Variants in FMNL2 observed in about 807,000 individuals in gnomAD.
The protein encoded by FMNL2 is formin like 2.
FMNL2 carries 51 observed loss-of-function variants against 130.2 expected under a neutral mutation model. That is an observed-to-expected ratio of 0.39 (90% CI 0.31 to 0.49). The LOEUF is 0.49. FMNL2 is among the 20% of genes least tolerant of loss of function. FMNL2 has a pLI of 0.85. For missense variants in FMNL2, 977 were observed against 1,316.2 expected, an observed-to-expected ratio of 0.74 and a Z score of 3.99; for synonymous variants, 465 against 467.1, an observed-to-expected ratio of 1.00 and a Z score of 0.06.
intron 2 of FMNL2, among the ~76,000 whole-genome samples, chr2:152,536,372 A>G (rs947260154): frequency 6.6e-6 from 1 of 152,228 alleles, no homozygotes; most frequent in Non-Finnish European, 1.5e-5. Context: ...TAAATCTTAC[A>G]AATTAGTACT....
At chr2:152,430,332 CT>C (rs1558857292) in intron 1 of FMNL2, among the ~76,000 whole-genome samples, 1 of 152,168 alleles carries the variant, frequency 6.6e-6, no homozygotes, top group African/African-American at 2.4e-5. Flanking sequence ...CCAACGTGCC[CT>C]TGTGTGCACA....
chr2:152,624,085 CTTCG>C (rs1681591275), intron 15 of FMNL2, among the ~76,000 whole-genome samples: 3 of 18,588 alleles, frequency 1.6e-4, no homozygotes, highest in African/African-American at 2.7e-4. Context: ...ACTCAATTCC[CTTCG>C]CCTCCCCTCC....
At chr2:152,400,909 C>T (rs66663920) in intron 1 of FMNL2, among the ~76,000 whole-genome samples, 17,492 of 152,226 alleles carry the variant, frequency 0.11, 1,128 homozygotes, top group Middle Eastern at 0.28. Context: ...TTTCTTCCCA[C>T]GTGTATCCTG....
At chr2:152,456,224 T>C (rs1688947752) in intron 1 of FMNL2, among the ~76,000 whole-genome samples, 1 of 152,216 alleles carries the variant, frequency 6.6e-6, no homozygotes, top group Admixed American at 6.5e-5. Flanking sequence ...AACTATCCTC[T>C]CACTAGAAAG....
At chr2:152,363,470 C>T (rs1683299058) in intron 1 of FMNL2, among the ~76,000 whole-genome samples, 1 of 152,136 alleles carries the variant, frequency 6.6e-6, no homozygotes, top group Admixed American at 6.5e-5. Context: ...TTTATGATCT[C>T]TCTTTCTCGT....
intron 1 of FMNL2, among the ~76,000 whole-genome samples, chr2:152,454,664 G>A (rs142850813): frequency 6.6e-6 from 1 of 152,338 alleles, no homozygotes; most frequent in Non-Finnish European, 1.5e-5. Context: ...TGCTGTGAAG[G>A]AATGTGGGCA....
At chr2:152,471,927 G>T (rs909075393) in intron 1 of FMNL2, among the ~76,000 whole-genome samples, 1 of 152,114 alleles carries the variant, frequency 6.6e-6, no homozygotes, top group Non-Finnish European at 1.5e-5. Context: ...AGTTTCAGTA[G>T]TGCGACTCCG....
At chr2:152,501,717 T>A (rs901607968) in intron 1 of FMNL2, among the ~76,000 whole-genome samples, 7 of 152,042 alleles carry the variant, frequency 4.6e-5, no homozygotes, top group Non-Finnish European at 7.4e-5. Context: ...TTTTTTTTTT[T>A]AATTTTGAGT....
intron 1 of FMNL2, among the ~76,000 whole-genome samples, chr2:152,436,397 C>G (rs80052818): frequency 6.6e-6 from 1 of 152,246 alleles, no homozygotes; most frequent in East Asian, 1.9e-4. Context: ...CTGACCTCAG[C>G]CTCCCAAGGT....
chr2:152,380,471 G>T (rs1362951151), intron 1 of FMNL2, among the ~76,000 whole-genome samples: 1 of 152,216 alleles, frequency 6.6e-6, no homozygotes, highest in South Asian at 2.1e-4. Flanking sequence ...TGCCATGCTT[G>T]TGTCCTTAAA....
chr2:152,407,628 A>G (rs1235078436), intron 1 of FMNL2, among the ~76,000 whole-genome samples: 1 of 152,042 alleles, frequency 6.6e-6, no homozygotes, highest in Non-Finnish European at 1.5e-5. Context: ...TTGAATTTTT[A>G]TCTGCCCCAT....
At chr2:152,470,280 A>T (rs1386686412) in intron 1 of FMNL2, among the ~76,000 whole-genome samples, 2 of 152,152 alleles carry the variant, frequency 1.3e-5, no homozygotes, top group Non-Finnish European at 2.9e-5. Context: ...TTGTGAGCTG[A>T]GCAAGTCCCG....
At chr2:152,461,059 TTGGG>T (rs1433566901) in intron 1 of FMNL2, among the ~76,000 whole-genome samples, 30 of 152,022 alleles carry the variant, frequency 2.0e-4, no homozygotes, top group Non-Finnish European at 3.8e-4. Flanking sequence ...ACCAGAAAGG[TTGGG>T]GGCTGCTGCT....
intron 1 of FMNL2, among the ~76,000 whole-genome samples, chr2:152,451,244 G>C (rs974223920): frequency 1.4e-4 from 21 of 152,076 alleles, no homozygotes; most frequent in Admixed American, 3.9e-4. Flanking sequence ...CTCCTCCCAG[G>C]TTCAAGCGAT....
intron 9 of FMNL2, among the ~76,000 whole-genome samples, chr2:152,599,676 G>C (rs1390893731): frequency 6.6e-6 from 1 of 152,090 alleles, no homozygotes; most frequent in Non-Finnish European, 1.5e-5. Context: ...AGCATTATGC[G>C]AATGAAACCT....
At chr2:152,422,807 C>T (rs185766288) in intron 1 of FMNL2, among the ~76,000 whole-genome samples, 12 of 152,304 alleles carry the variant, frequency 7.9e-5, no homozygotes, top group Non-Finnish European at 1.3e-4. Context: ...GGATTACAGG[C>T]GTGAGCCACC....
At chr2:152,582,043 A>G (rs369784249) in intron 9 of FMNL2, among the ~76,000 whole-genome samples, 28 of 152,204 alleles carry the variant, frequency 1.8e-4, no homozygotes, top group African/African-American at 6.3e-4. Flanking sequence ...ATTTGGTTCT[A>G]TAAGAACATC....
intron 22 of FMNL2, 123 bp from the exon 23 acceptor site, chr2:152,637,450 G>A (rs1229766229): frequency 2.8e-6 from 2 of 717,760 alleles, no homozygotes; most frequent in African/African-American, 3.5e-5. Flanking sequence ...TAAGGGAGGT[G>A]CAGCAACGCA....
At chr2:152,469,597 G>T (rs1024610759) in intron 1 of FMNL2, among the ~76,000 whole-genome samples, 9 of 152,202 alleles carry the variant, frequency 5.9e-5, no homozygotes, top group African/African-American at 2.2e-4. Context: ...TCCAGTGGTT[G>T]TCAAATTGGG....
Sources: allele counts gnomAD v4.1 joint callset (sites outside exome capture counted in the v4.1 genomes callset), GRCh38; gene constraint gnomAD v4.1.1; transcripts MANE v1.5; gene names NCBI Gene and HGNC (gene_info 2026-07-23, HGNC 2026-07-21).